The following ASCC1 variants were observed in gnomAD, a reference collection of about 807,000 sequenced individuals.
ASCC1 encodes ASC-1 complex subunit P50.
A neutral mutation model predicts 46.6 loss-of-function variants in ASCC1; 35 were observed. The observed-to-expected ratio is 0.75, with a 90% CI of 0.57 to 0.99. The LOEUF (loss-of-function observed/expected upper bound fraction) is 0.99, where lower values mean the gene tolerates loss of function less well. Among genes scored for constraint, ASCC1 ranks in the 50% least tolerant of loss-of-function variants. ASCC1 has a pLI of 0.00. For missense variants in ASCC1, 376 were observed against 428.7 expected (o/e 0.88, Z 1.09); for synonymous variants, 143 against 146.6 (o/e 0.98, Z 0.18).
chr10:72,135,502 A>G (rs946158821), intron 7 of ASCC1, among the ~76,000 whole-genome samples: 4 of 152,188 alleles, frequency 2.6e-5, no homozygotes, highest in Non-Finnish European at 5.9e-5. Flanking sequence ...AGGACTGAGG[A>G]ATAGAAAGGA....
At chr10:72,144,038 C>CGGG (rs759999305) in intron 7 of ASCC1, among the ~76,000 whole-genome samples, 51 of 151,764 alleles carry the variant, frequency 3.4e-4, no homozygotes, top group Admixed American at 7.9e-4. Flanking sequence ...GTTGCCCACA[C>CGGG]GTGATCTTGG....
chr10:72,198,675 G>A (rs1253046838), intron 4 of ASCC1: 2 of 455,908 alleles, frequency 4.4e-6, no homozygotes. Flanking sequence ...TCTAATTTAG[G>A]AGACACAAAA....
intron 7 of ASCC1, among the ~76,000 whole-genome samples, chr10:72,151,259 T>C (rs1371191324): frequency 6.6e-6 from 1 of 152,230 alleles, no homozygotes; most frequent in Non-Finnish European, 1.5e-5. Flanking sequence ...TGGAATACTA[T>C]GCAGCCATAA....
At position 72,180,595 on chromosome 10, in the gene ASCC1, C is replaced by T. The variant is rs561015065; in HGVS notation, c.489+16216G>A. Among the ~76,000 whole-genome samples, 5 of 152,158 alleles carry T rather than the reference C, an allele frequency of 3.3e-5. No individual in the cohort carries two copies. The East Asian group carries it at 9.7e-4, about 29-fold the overall frequency. On this transcript the variant is annotated intron_variant, in intron 5 of 9. Transcript: ENST00000672957. Reference sequence around the variant, plus strand: ...GAGCCAAGATCGCACCACTGCATTCCAGCCTGAGCAACAGAATGAGACTCT... The same window carrying T: ...GAGCCAAGATCGCACCACTGCATTCTAGCCTGAGCAACAGAATGAGACTCT...
Position 72,146,464 on chromosome 10 carries a change from G to C in ASCC1, c.746+6405C>G, listed in dbSNP as rs150503732. Among the ~76,000 whole-genome samples, 11 of 152,276 alleles carry C rather than the reference G, an allele frequency of 7.2e-5. No homozygotes were observed. The East Asian group carries it at 2.1e-3, about 29-fold the overall frequency. ...GAGTTGAGTGCAGGAGATGAAAATA[G>C]GTGAACTGTGATAGGAAAAGGAGGA... On this transcript the variant is annotated intron_variant, in intron 7 of 9. Transcript: ENST00000672957.
At chr10:72,216,901 C>A, upstream of ASCC1, 1 of 456,134 alleles carries the variant, frequency 2.2e-6, no homozygotes, top group Non-Finnish European at 4.4e-6. Context: ...GTGGGCCTGG[C>A]AAACTGGTTG....
chr10:72,149,306 C>T (rs914607675), intron 7 of ASCC1, among the ~76,000 whole-genome samples: 3 of 151,816 alleles, frequency 2.0e-5, no homozygotes, highest in Admixed American at 6.6e-5. Flanking sequence ...GGCGTGGTGG[C>T]GGGTGCCTGT....
rs146224705 is a variant in ASCC1 at position 72,097,370 on chromosome 10, T to A, written c.1038A>T (p.Gly346=). Residue 346 remains glycine, a synonymous_variant, in exon 10 of 10, where the codon GGA becomes GGT. Transcript: ENST00000672957. ...CAATTTGTCCACAGGAAGCGTAGTT[T>A]CCAAAGCTGTCTACGGTGAACCTCT... ...ISQRFTVDSF[G]NYASCGQIDF... is the part of the protein sequence containing the mutation. The A allele has an allele frequency of 1.1e-5, 18 of 1,613,934 alleles. No homozygotes were observed. The African/African-American group carries it at 2.4e-4, about 22-fold the overall frequency.
intron 5 of ASCC1, among the ~76,000 whole-genome samples, chr10:72,191,733 G>A (rs1001959651): frequency 2.0e-5 from 3 of 151,540 alleles, no homozygotes; most frequent in South Asian, 2.1e-4. Flanking sequence ...TGCAACCTCC[G>A]CCTCCCAGGT....
At chr10:72,164,382 C>T (rs960394303) in intron 5 of ASCC1, among the ~76,000 whole-genome samples, 2 of 152,192 alleles carry the variant, frequency 1.3e-5, no homozygotes, top group African/African-American at 2.4e-5. Flanking sequence ...TAGAAAGGAT[C>T]ATACAATATA....
chr10:72,190,226 T>C (rs1202907933), intron 5 of ASCC1: 2 of 767,090 alleles, frequency 2.6e-6, no homozygotes, highest in East Asian at 2.4e-5. Flanking sequence ...AAAGTTTGCC[T>C]GAAGCCTTCA....
chr10:72,190,091 C>A lies in ASCC1; in HGVS notation c.489+6720G>T. 4 of 758,896 alleles carry A rather than the reference C, an allele frequency of 5.3e-6. No homozygotes were observed. In the South Asian group the frequency reaches 5.4e-5, roughly 10 times the overall value. 47.0% of individuals were successfully genotyped at this position (758,896 alleles called of 1,614,324 possible). On this transcript the variant is annotated intron_variant, in intron 5 of 9. Coordinates refer to ENST00000672957, the MANE Select transcript of ASCC1 (RefSeq NM_001198800.3). The stretch of plus-strand genomic sequence containing the variant: ...CACCCAGCCTGATAAAGCGCAGCAA[C>A]TGGGCTGCAAGACCAAGCAAGGTTA...
chr10:72,103,544 T>G (rs1842028823), intron 9 of ASCC1, among the ~76,000 whole-genome samples: 1 of 152,154 alleles, frequency 6.6e-6, no homozygotes, highest in South Asian at 2.1e-4. Context: ...TCTCAAAATG[T>G]GGCACCTTGG....
At chr10:72,108,857 G>A (rs551486539) in intron 9 of ASCC1, among the ~76,000 whole-genome samples, 8 of 152,188 alleles carry the variant, frequency 5.3e-5, no homozygotes, top group Non-Finnish European at 1.2e-4. Context: ...AAGAAAAAAG[G>A]AAGAAGGTTT....
rs1243619355 is a variant in ASCC1 at position 72,096,384 on chromosome 10, G to A, written c.*950C>T. On this transcript the variant is annotated 3_prime_UTR_variant, in exon 10 of 10. Coordinates refer to ENST00000672957, the MANE Select transcript of ASCC1 (RefSeq NM_001198800.3). ...GTTTCTTTTGCTGCTGCCTTGAAAA[G>A]TAAACAAAAAAGGGCTGCAACACTG... The A allele has an allele frequency of 6.6e-6, 3 of 454,026 alleles. No homozygotes were observed. The highest frequency in any genetic ancestry group is 1.3e-5 in the Non-Finnish European group (3 of 226,768). The allele number at this position is 454,026 out of a possible 1,614,324, so 28.1% of individuals were successfully genotyped here.
At chr10:72,142,371 T>TA (rs1847122646) in intron 7 of ASCC1, among the ~76,000 whole-genome samples, 1 of 151,814 alleles carries the variant, frequency 6.6e-6, no homozygotes, top group African/African-American at 2.4e-5. Context: ...TTCACTTTTT[T>TA]TTTTTTTTTT....
At chr10:72,203,648 A>G in intron 3 of ASCC1, 124 bp from the exon 4 acceptor site, 1 of 750,430 alleles carries the variant, frequency 1.3e-6, no homozygotes. Flanking sequence ...GTAAAAGCTC[A>G]ATATTTGCGG....
intron 7 of ASCC1, among the ~76,000 whole-genome samples, chr10:72,141,036 TATAGATAGATAGATAGATAG>T (rs10655614): frequency 6.9e-4 from 100 of 144,276 alleles, no homozygotes; most frequent in African/African-American, 2.2e-3. Context: ...TCAAATTGTT[TATAGATAGATAGATAGATAG>T]ATAGATAGAT....
At chr10:72,192,390 G>A (rs961492546) in intron 5 of ASCC1, among the ~76,000 whole-genome samples, 2 of 151,594 alleles carry the variant, frequency 1.3e-5, no homozygotes, top group Non-Finnish European at 2.9e-5. Flanking sequence ...AGGAGGCGAA[G>A]GTTGCAGTGA....
Sources: allele counts gnomAD v4.1 joint callset (sites outside exome capture counted in the v4.1 genomes callset), GRCh38; gene constraint gnomAD v4.1.1; transcripts MANE v1.5; gene names NCBI Gene and HGNC (gene_info 2026-07-23, HGNC 2026-07-21).